The following P2RY8 variants were observed in gnomAD, a reference collection of about 807,000 sequenced individuals.
P2RY8 encodes the protein S-geranylgeranyl-glutathione receptor P2RY8.
Under a neutral mutation model 10.0 loss-of-function variants are expected in P2RY8, and 6 were observed. The ratio of observed to expected loss-of-function variants is 0.60; its 90% confidence interval spans 0.33 to 1.19. The LOEUF (loss-of-function observed/expected upper bound fraction) is 1.19. Among genes scored for constraint, P2RY8 ranks in the 50% most tolerant of loss-of-function variants. The pLI is 0.04. For synonymous variants in P2RY8, 276 were observed against 252.5 expected (o/e 1.09, Z -0.88); for missense variants, 456 against 542.0 (o/e 0.84, Z 1.58).
At chrX:1,520,931 C>T (rs1296983219) in intron 1 of P2RY8, among the ~76,000 whole-genome samples, 1 of 151,658 alleles carries the variant, frequency 6.6e-6, no homozygotes, top group Admixed American at 6.6e-5. Flanking sequence ...CTCCTTGGTA[C>T]CTAATTATCT....
At position 1,484,986 on chromosome X, in the gene P2RY8, C is replaced by CTT. The variant is rs773650240; in HGVS notation, c.-24-18406_-24-18405dup. Reference sequence around the variant, plus strand: ...TGATTCCTTAATGATGTAATAATGTCTTTTTTTTTTTTTTTTTTTTTTTTT... The same window carrying CTT: ...TGATTCCTTAATGATGTAATAATGTCTTTTTTTTTTTTTTTTTTTTTTTTTTT... On this transcript the variant is annotated intron_variant, in intron 1 of 1. Coordinates refer to ENST00000381297, the MANE Select transcript of P2RY8 (RefSeq NM_178129.5). Among the ~76,000 whole-genome samples, 12 of 81,420 alleles carry CTT rather than the reference C, an allele frequency of 1.5e-4. 1 individual carries two copies. The South Asian group carries it at 2.3e-3, about 16-fold the overall frequency. 53.4% of individuals were successfully genotyped at this position (81,420 alleles called of 152,430 possible).
intron 1 of P2RY8, among the ~76,000 whole-genome samples, chrX:1,469,146 T>A (rs1446471879): frequency 4.9e-5 from 4 of 82,226 alleles, no homozygotes; most frequent in Non-Finnish European, 9.3e-5. Flanking sequence ...CTCCTCTCCT[T>A]CCCTCTCTCC....
chrX:1,500,993 C>T (rs1172318046), intron 1 of P2RY8, among the ~76,000 whole-genome samples: 2 of 152,156 alleles, frequency 1.3e-5, no homozygotes, highest in Non-Finnish European at 2.9e-5. Context: ...CCTGTCTGGC[C>T]CAGGGTGGCC....
At chrX:1,490,692 T>C (rs1248499416) in intron 1 of P2RY8, among the ~76,000 whole-genome samples, 1 of 146,182 alleles carries the variant, frequency 6.8e-6, no homozygotes, top group Non-Finnish European at 1.5e-5. Context: ...CTTCTGCAAA[T>C]GTAGAGAGAA....
intron 1 of P2RY8, among the ~76,000 whole-genome samples, chrX:1,495,020 G>A (rs1349761407): frequency 2.0e-5 from 3 of 151,952 alleles, no homozygotes; most frequent in Non-Finnish European, 4.4e-5. Context: ...GCCCGGCTGC[G>A]TATTCACTAT....
chrX:1,526,314 T>A (rs1180125235), intron 1 of P2RY8, among the ~76,000 whole-genome samples: 1 of 149,734 alleles, frequency 6.7e-6, no homozygotes, highest in Non-Finnish European at 1.5e-5. Context: ...ATCCAGCCGC[T>A]CATCCACCCA....
At chrX:1,484,739 AAAAAAAAAAGAAG>A (rs1400219740) in intron 1 of P2RY8, among the ~76,000 whole-genome samples, 2 of 139,468 alleles carry the variant, frequency 1.4e-5, no homozygotes, top group Admixed American at 7.1e-5. Flanking sequence ...AAAAAAAAAA[AAAAAAAAAAGAAG>A]AAGAAGAAGA....
rs2092427401 is a variant in P2RY8 at position 1,524,793 on chromosome X, TCATCCATCCACTCATC to T, written c.-25+12112_-25+12127del. Among the ~76,000 whole-genome samples, 3 of 33,616 alleles carry T rather than the reference TCATCCATCCACTCATC, an allele frequency of 8.9e-5. 1 individual carries two copies. The South Asian group carries it at 3.3e-3, about 37-fold the overall frequency. The allele number at this position is 33,616 out of a possible 152,430, so 22.1% of individuals were successfully genotyped here. A position where few individuals can be genotyped will look rare whatever the true frequency, so the allele number is the denominator to read the frequency against. On this transcript the variant is annotated intron_variant, in intron 1 of 1. Transcript: ENST00000381297. ...TCCATCCATCCATCCACTCATCCAT[TCATCCATCCACTCATC>T]CATCCATCCATCCATCCATCCATCC...
At chrX:1,469,760 C>T (rs1379442566) in intron 1 of P2RY8, among the ~76,000 whole-genome samples, 2 of 151,698 alleles carry the variant, frequency 1.3e-5, no homozygotes, top group East Asian at 2.0e-4. Context: ...ATTAGCCGGG[C>T]GTGGTGGCAT....
At chrX:1,513,012 C>T (rs1487174289) in intron 1 of P2RY8, among the ~76,000 whole-genome samples, 1 of 151,696 alleles carries the variant, frequency 6.6e-6, no homozygotes. Flanking sequence ...TAATGCTCTC[C>T]CTCCCCTTGC....
chrX:1,480,996 G>T (rs1603456589), intron 1 of P2RY8, among the ~76,000 whole-genome samples: 2 of 151,890 alleles, frequency 1.3e-5, no homozygotes, highest in East Asian at 3.9e-4. Flanking sequence ...CCATGTCGTA[G>T]CTCATCAGGG....
At chrX:1,471,308 C>CTTTTTTTTTTT (rs1569536548) in intron 1 of P2RY8, among the ~76,000 whole-genome samples, 3 of 71,124 alleles carry the variant, frequency 4.2e-5, no homozygotes, top group African/African-American at 1.0e-4. Context: ...GCGCCCAGCC[C>CTTTTTTTTTTT]ATTTTTTTTT....
intron 1 of P2RY8, among the ~76,000 whole-genome samples, chrX:1,535,371 A>G (rs2092516497): frequency 2.0e-5 from 3 of 151,312 alleles, no homozygotes; most frequent in Non-Finnish European, 4.4e-5. Context: ...TATTTTTAGT[A>G]GAGACGGGGT....
At chrX:1,508,727 T>TATC (rs1556682399) in intron 1 of P2RY8, among the ~76,000 whole-genome samples, 1 of 143,332 alleles carries the variant, frequency 7.0e-6, no homozygotes, top group Non-Finnish European at 1.5e-5. Flanking sequence ...TCTATCTATC[T>TATC]ATCTATCTAT....
intron 1 of P2RY8, among the ~76,000 whole-genome samples, chrX:1,513,821 C>G (rs2092318438): frequency 6.6e-6 from 1 of 151,706 alleles, no homozygotes; most frequent in South Asian, 2.1e-4. Context: ...CTTGTGGCCC[C>G]ATCACTCCAG....
intron 1 of P2RY8, among the ~76,000 whole-genome samples, chrX:1,501,185 G>T (rs770173731): frequency 6.6e-6 from 1 of 152,314 alleles, no homozygotes; most frequent in East Asian, 1.9e-4. Flanking sequence ...GAAGGAGGTG[G>T]CTGTGTCTTC....
At chrX:1,511,313 AC>A (rs2092296106) in intron 1 of P2RY8, among the ~76,000 whole-genome samples, 1 of 152,250 alleles carries the variant, frequency 6.6e-6, no homozygotes, top group Non-Finnish European at 1.5e-5. Flanking sequence ...TCCTGTATCC[AC>A]GTGTCAGGAT....
chrX:1,489,739 GGAAT>G (rs1169312782), intron 1 of P2RY8, among the ~76,000 whole-genome samples: 1 of 148,080 alleles, frequency 6.8e-6, no homozygotes, highest in Non-Finnish European at 1.5e-5. Flanking sequence ...AAATGTGGGG[GGAAT>G]GAATGAATGA....
In P2RY8 at chrX:1,501,174, G is replaced by A. The variant is rs1342959829; in HGVS notation, c.-24-34592C>T. ...AGGGCCCTCTTGTGAACTACGTCTTGGAAGGAGGTGGCTGTGTCTTCTCAG... is the reference window on the plus strand; with the variant it reads ...AGGGCCCTCTTGTGAACTACGTCTTAGAAGGAGGTGGCTGTGTCTTCTCAG... On this transcript the variant is annotated intron_variant, in intron 1 of 1. Coordinates refer to ENST00000381297, the MANE Select transcript of P2RY8 (RefSeq NM_178129.5). 4.6e-5 allele frequency among the ~76,000 whole-genome samples: 7 copies of A among 152,276 alleles called. No individual in the cohort carries two copies. The East Asian group carries it at 1.2e-3, about 25-fold the overall frequency.
Sources: allele counts gnomAD v4.1 joint callset (sites outside exome capture counted in the v4.1 genomes callset), GRCh38; gene constraint gnomAD v4.1.1; transcripts MANE v1.5; gene names NCBI Gene and HGNC (gene_info 2026-07-23, HGNC 2026-07-21).